The following ARSL variants were observed in gnomAD, a reference collection of about 807,000 sequenced individuals.
The protein encoded by ARSL is arylsulfatase L.
A neutral mutation model predicts 31.1 loss-of-function variants in ARSL; 4 were observed. The observed-to-expected ratio is 0.13, with a 90% confidence interval of 0.06 to 0.29. The LOEUF is 0.29. Ranked by LOEUF, ARSL falls within the 10% of genes least tolerant of loss-of-function variation. ARSL has a pLI of 1.00. For missense variants in ARSL, 312 were observed against 497.8 expected (o/e 0.63, Z 3.55); for synonymous variants, 198 against 209.9 (o/e 0.94, Z 0.49).
At chrX:2,943,042 A>G in intron 8 of ARSL, 23 bp downstream of exon 8, 2 of 1,209,589 alleles carry the variant, frequency 1.7e-6, no homozygotes, top group Non-Finnish European at 2.2e-6. Context: ...CAAGATGAAG[A>G]TCTGGGAGCA....
intron 6 of ARSL, among the ~76,000 whole-genome samples, chrX:2,947,797 C>T (rs1404970525): frequency 8.9e-6 from 1 of 112,548 alleles, no homozygotes; most frequent in African/African-American, 3.2e-5. Flanking sequence ...TGTCAATGTC[C>T]TTTCTGTCAT....
chrX:2,965,999 C>T (rs113807889), upstream of ARSL, among the ~76,000 whole-genome samples: 1,833 of 112,505 alleles, frequency 0.016, 27 homozygotes, highest in Non-Finnish European at 0.028. Context: ...TGGAACCCTA[C>T]GCAATGGTCC....
chrX:2,960,071 C>A (rs1251851331), intron 2 of ARSL, among the ~76,000 whole-genome samples: 1 of 103,757 alleles, frequency 9.6e-6, no homozygotes, highest in Non-Finnish European at 2.0e-5. Context: ...AGATCGAGAC[C>A]ATCCTGGCTA....
chrX:2,963,742 C>T (rs1050661747), intron 1 of ARSL, among the ~76,000 whole-genome samples: 46 of 105,574 alleles, frequency 4.4e-4, no homozygotes, highest in African/African-American at 1.6e-3. Context: ...GTGGGGTTTC[C>T]TCTTTTGCTC....
intron 2 of ARSL, among the ~76,000 whole-genome samples, 184 bp downstream of exon 2, chrX:2,960,194 G>A (rs569838583): frequency 2.2e-4 from 17 of 78,899 alleles, no homozygotes; most frequent in African/African-American, 7.1e-4. Context: ...GTGTGAACCC[G>A]GGAGGCGGAG....
chrX:2,937,987 G>C (rs947917298), intron 9 of ARSL, 108 bp downstream of exon 9: 1 of 1,103,331 alleles, frequency 9.1e-7, no homozygotes, highest in African/African-American at 1.8e-5. Flanking sequence ...TTTGGTCGGG[G>C]AACAATTTCA....
At chrX:2,948,839 C>T (rs1043855577) in intron 6 of ARSL, among the ~76,000 whole-genome samples, 13 of 111,394 alleles carry the variant, frequency 1.2e-4, no homozygotes, top group African/African-American at 4.2e-4. Flanking sequence ...CAGGGCTCCA[C>T]TGACCCTCAT....
chrX:2,967,461 C>T (rs987907422), upstream of ARSL, among the ~76,000 whole-genome samples: 5 of 111,057 alleles, frequency 4.5e-5, no homozygotes, highest in Non-Finnish European at 9.4e-5. Context: ...AGGCTGGGCG[C>T]GGTGGCTCAC....
intron 9 of ARSL, 103 bp downstream of exon 9, chrX:2,937,992 A>G: frequency 8.8e-7 from 1 of 1,134,879 alleles, no homozygotes; most frequent in Non-Finnish European, 1.2e-6. Context: ...TCGGGGAACA[A>G]TTTCAGGGAC....
chrX:2,945,718 C>T (rs1168156782), intron 7 of ARSL, among the ~76,000 whole-genome samples: 1 of 111,540 alleles, frequency 9.0e-6, no homozygotes, highest in Non-Finnish European at 1.9e-5. Context: ...GATGTCTCTG[C>T]AGCCATTATT....
At chrX:2,952,957 T>G in intron 5 of ARSL, 186 bp downstream of exon 5, 1 of 429,888 alleles carries the variant, frequency 2.3e-6, no homozygotes. Flanking sequence ...TTGCCTGAGC[T>G]GGTATTTCTT....
intron 4 of ARSL, 62 bp downstream of exon 4, chrX:2,955,354 A>G (rs1182400729): frequency 1.7e-6 from 2 of 1,194,513 alleles, no homozygotes; most frequent in Non-Finnish European, 2.3e-6. Flanking sequence ...AAAATGTAAG[A>G]ACTAGAAACT....
chrX:2,957,632 C>T (rs749340975), intron 3 of ARSL, among the ~76,000 whole-genome samples: 15 of 106,759 alleles, frequency 1.4e-4, no homozygotes, highest in East Asian at 6.0e-4. Context: ...TCACTGGAAT[C>T]GCAGAGGCGG....
Position 2,958,402 on chromosome X carries a change from G to C in ARSL, c.57C>G (p.Leu19=). 2 of 1,212,084 alleles carry C rather than the reference G, an allele frequency of 1.7e-6. No individual in the cohort carries two copies. Among genetic ancestry groups the C allele is most frequent in the Non-Finnish European group, 2.2e-6 (2 of 895,598 alleles). Residue 19 remains leucine (L), a synonymous_variant, in exon 3 of 11, where the codon CTC becomes CTG. Coordinates refer to ENST00000381134, the MANE Select transcript of ARSL (RefSeq NM_000047.3). Reference sequence around the variant, plus strand: ...ATGGTGCCAAACTTAGCAGTACAGCGAGCATCGCTGGCAGCCAGCTCCTGA... The same window carrying C: ...ATGGTGCCAAACTTAGCAGTACAGCCAGCATCGCTGGCAGCCAGCTCCTGA... ...LCFRSWLPAM[L]AVLLSLAPSA...
At chrX:2,941,076 G>T (rs1349742146) in intron 8 of ARSL, among the ~76,000 whole-genome samples, 2 of 110,655 alleles carry the variant, frequency 1.8e-5, no homozygotes, top group African/African-American at 6.6e-5. Context: ...AACCTGAGAG[G>T]CTGTTTCAGG....
chrX:2,963,504 G>C (rs1366970198), intron 1 of ARSL, among the ~76,000 whole-genome samples: 1 of 100,393 alleles, frequency 1.0e-5, no homozygotes, highest in African/African-American at 3.7e-5. Flanking sequence ...TAGGAAAAGT[G>C]CTCTTTTTCT....
At position 2,943,171 on chromosome X, in the gene ARSL, C is replaced by G; in HGVS notation, c.1020G>C (p.Glu340Asp). Residue 340 changes from glutamate to aspartate, a missense_variant, in exon 8 of 11, where the codon GAG (glutamate) becomes GAC (aspartate). Coordinates refer to ENST00000381134, the MANE Select transcript of ARSL (RefSeq NM_000047.3). ...AAATGAGGGTGCTGTTGCTCAAACC[C>G]TCCACGTCCAAAGTGTCAAGGATCC... ...VGRILDTLDV[E>D]GLSNSTLIYF... is the part of the protein sequence containing the mutation. 8.3e-7 allele frequency: 1 copy of G among 1,211,089 alleles called. No homozygotes were observed. The highest frequency in any genetic ancestry group is 1.1e-6 in the Non-Finnish European group (1 of 895,397).
intron 1 of ARSL, among the ~76,000 whole-genome samples, chrX:2,961,009 C>T (rs1181515333): frequency 1.8e-5 from 2 of 111,230 alleles, no homozygotes; most frequent in South Asian, 3.8e-4. Flanking sequence ...TGCTTGAGCC[C>T]AGGAGGTCCA....
intron 8 of ARSL, among the ~76,000 whole-genome samples, chrX:2,942,214 C>T (rs183879126): frequency 3.6e-5 from 4 of 112,035 alleles, no homozygotes; most frequent in Admixed American, 2.8e-4. Flanking sequence ...CCCAGACCTC[C>T]GCGATTTAGC....
Sources: allele counts gnomAD v4.1 joint callset (sites outside exome capture counted in the v4.1 genomes callset), GRCh38; gene constraint gnomAD v4.1.1; transcripts MANE v1.5; gene names NCBI Gene and HGNC (gene_info 2026-07-23, HGNC 2026-07-21).